The following SPACA1 variants were observed in gnomAD, a reference collection of about 807,000 sequenced individuals.
The protein encoded by SPACA1 is sperm acrosome associated 1.
In SPACA1, 17 loss-of-function variants were observed where a neutral mutation model predicts 32.6. That is an observed-to-expected ratio of 0.52 (90% CI 0.36 to 0.78). The LOEUF is 0.78. SPACA1 is among the 30% of genes least tolerant of loss of function. The pLI is 0.01. For missense variants in SPACA1, 363 were observed against 373.4 expected (o/e 0.97, Z 0.23); for synonymous variants, 140 against 138.1 (o/e 1.01, Z -0.10).
intron 2 of SPACA1, 47 bp from the exon 3 acceptor site, chr6:88,057,565 A>C: frequency 7.6e-7 from 1 of 1,315,074 alleles, no homozygotes; most frequent in Non-Finnish European, 1.1e-6. Context: ...GACACTCTGG[A>C]ATCAGTTTTT....
chr6:88,058,794 A>G lies in SPACA1; in HGVS notation c.446A>G (p.Tyr149Cys). ...ACATCTCCCTTAAATCGTTTCAAAT[A>G]TATGTGGAAACTTCTAAGACAAGAC... ...IHTSPLNRFK[Y>C]MWKLLRQDQQ... The change falls in exon 4 of 7, where the codon TAT (tyrosine) becomes TGT (cysteine). Residue 149 changes from tyrosine to cysteine, a missense_variant. By Grantham distance (194) the Tyr-to-Cys change is radical. Transcript: ENST00000237201. 1 of 1,612,832 alleles carries G rather than the reference A, an allele frequency of 6.2e-7. No homozygotes were observed. Among genetic ancestry groups the G allele is most frequent in the Non-Finnish European group, 8.5e-7 (1 of 1,178,980 alleles).
intron 1 of SPACA1, among the ~76,000 whole-genome samples, chr6:88,052,552 TG>T (rs1775743847): frequency 6.6e-6 from 1 of 152,164 alleles, no homozygotes; most frequent in Admixed American, 6.5e-5. Flanking sequence ...GATACTATAC[TG>T]GGGCTGGGCA....
At chr6:88,056,484 A>G (rs151169714) in intron 2 of SPACA1, among the ~76,000 whole-genome samples, 27 of 152,240 alleles carry the variant, frequency 1.8e-4, no homozygotes, top group African/African-American at 6.0e-4. Context: ...CTCCCTTACT[A>G]TTCAACGTGC....
chr6:88,049,226 C>T (rs1219904312), intron 1 of SPACA1, among the ~76,000 whole-genome samples: 1 of 152,176 alleles, frequency 6.6e-6, no homozygotes, highest in Non-Finnish European at 1.5e-5. Flanking sequence ...TCATTCTCTT[C>T]TTTAAAGTAA....
Position 88,048,113 on chromosome 6 carries a change from G to T in SPACA1, c.208G>T (p.Val70Phe). 6.3e-7 allele frequency: 1 copy of T among 1,584,756 alleles called. No homozygotes were observed. Among genetic ancestry groups the T allele is most frequent in the South Asian group, 1.2e-5 (1 of 86,312 alleles). The change falls in exon 1 of 7, where the codon GTT becomes TTT. Residue 70 changes from valine (V) to phenylalanine (F), a missense_variant and splice_region_variant. Physicochemically the swap from Val to Phe is conservative, Grantham distance 50. Coordinates refer to ENST00000237201, the MANE Select transcript of SPACA1 (RefSeq NM_030960.3). ...CTACGCTCCGCCTGAAACCGAGGATGGTGAGGGCGGGAGCTCCCTTGCGGG... is the reference window on the plus strand; with the variant it reads ...CTACGCTCCGCCTGAAACCGAGGATTGTGAGGGCGGGAGCTCCCTTGCGGG... ...ENYAPPETED[V>F]SNRNVVKEVE...
chr6:88,052,367 G>T (rs1582268044), intron 1 of SPACA1, among the ~76,000 whole-genome samples: 1 of 152,144 alleles, frequency 6.6e-6, no homozygotes, highest in Admixed American at 6.5e-5. Flanking sequence ...TGTTTTCTAT[G>T]TTCAGGATTT....
chr6:88,065,366 AT>A (rs1479681557), intron 6 of SPACA1, among the ~76,000 whole-genome samples: 1 of 147,988 alleles, frequency 6.8e-6, no homozygotes, highest in Non-Finnish European at 1.5e-5. Context: ...TATATACAGT[AT>A]ATATTATATA....
intron 5 of SPACA1, 25 bp from the exon 6 acceptor site, chr6:88,064,074 C>G: frequency 6.2e-7 from 1 of 1,609,066 alleles, no homozygotes; most frequent in South Asian, 1.1e-5. Flanking sequence ...TAGTAATACT[C>G]CTTAGGTTTG....
Position 88,047,930 on chromosome 6 carries a change from T to C in SPACA1, c.25T>C (p.Ser9Pro). 1 of 1,562,220 alleles carries C rather than the reference T, an allele frequency of 6.4e-7. No homozygotes were observed. Among genetic ancestry groups the C allele is most frequent in the Non-Finnish European group, 8.7e-7 (1 of 1,154,244 alleles). The stretch of plus-strand genomic sequence containing the variant: ...CATGAGCCCCAGGGGCACGGGCTGC[T>C]CCGCCGGGCTGCTGATGACTGTCGG... MSPRGTGC[S>P]AGLLMTVGWL... Residue 9 changes from serine (S) to proline (P), a missense_variant, in exon 1 of 7, where the codon TCC becomes CCC. Ser to Pro is a moderately conservative substitution (Grantham distance 74). Coordinates refer to ENST00000237201, the MANE Select transcript of SPACA1 (RefSeq NM_030960.3).
chr6:88,064,315 C>T (rs1775945088), intron 6 of SPACA1, 96 bp downstream of exon 6: 1 of 1,283,826 alleles, frequency 7.8e-7, no homozygotes, highest in South Asian at 1.6e-5. Context: ...CGTGATGTCT[C>T]CTACATGTTG....
rs1406692347 is a variant in SPACA1 at position 88,057,604 on chromosome 6, A to T, written c.266-8A>T. The T allele has an allele frequency of 3.7e-6, 6 of 1,602,716 alleles. No individual in the cohort carries two copies. Among genetic ancestry groups the T allele is most frequent in the Non-Finnish European group, 5.1e-6 (6 of 1,169,752 alleles). On this transcript the variant is annotated splice_region_variant and splice_polypyrimidine_tract_variant and intron_variant, in intron 2 of 6. Transcript: ENST00000237201. ...TTAACATTTGCCTTTTTAAATTTTA[A>T]ACCAAAGGTATTGGTGTTAGAGAAG...
chr6:88,056,915 A>C (rs1775818573), intron 2 of SPACA1, among the ~76,000 whole-genome samples: 1 of 152,182 alleles, frequency 6.6e-6, no homozygotes, highest in Admixed American at 6.5e-5. Flanking sequence ...TTGGAAATGG[A>C]GATTTGGTCA....
In SPACA1 at chr6:88,049,139, C is replaced by T. The variant is rs142133501; in HGVS notation, c.208+1026C>T. On this transcript the variant is annotated intron_variant, in intron 1 of 6. Transcript: ENST00000237201. ...TATACTACAGAGAGCTTAAAAAGAT[C>T]CTTGACTTCGGAAATGTGAAAAAGA... 3.9e-4 allele frequency among the ~76,000 whole-genome samples: 60 copies of T among 152,194 alleles called. 1 individual carries two copies. In the East Asian group the frequency reaches 0.012, roughly 29 times the overall value.
chr6:88,061,817 A>G (rs928690162), intron 5 of SPACA1, among the ~76,000 whole-genome samples: 1 of 152,208 alleles, frequency 6.6e-6, no homozygotes, highest in African/African-American at 2.4e-5. Flanking sequence ...GAGAGCATCA[A>G]ATTTAGCCTA....
intron 1 of SPACA1, among the ~76,000 whole-genome samples, chr6:88,048,337 A>G (rs575604911): frequency 2.5e-4 from 38 of 152,328 alleles, no homozygotes; most frequent in Admixed American, 5.9e-4. Context: ...GTATATAGAA[A>G]TTGCTATAGA....
chr6:88,049,928 A>T (rs1775704024), intron 1 of SPACA1, among the ~76,000 whole-genome samples: 1 of 152,202 alleles, frequency 6.6e-6, no homozygotes, highest in African/African-American at 2.4e-5. Flanking sequence ...TTGTCAAAAA[A>T]ACCAACACTT....
rs769128092 is a variant in SPACA1, at chr6:88,053,980, C to G, written c.243C>G (p.Phe81Leu). The stretch of plus-strand genomic sequence containing the variant: ...GGAATGTCGTCAAAGAAGTAGAATT[C>G]GGAATGTGCACCGTTACATGTGGTA... ...SNRNVVKEVE[F>L]GMCTVTCGIG... The change falls in exon 2 of 7, where the codon TTC becomes TTG. Residue 81 changes from phenylalanine (F) to leucine (L), a missense_variant. Coordinates refer to ENST00000237201, the MANE Select transcript of SPACA1 (RefSeq NM_030960.3). 2.5e-6 allele frequency: 4 copies of G among 1,613,312 alleles called. No individual in the cohort carries two copies. The highest frequency in any genetic ancestry group is 3.4e-6 in the Non-Finnish European group (4 of 1,179,558).
Position 88,057,611 on chromosome 6 carries a change from G to A in SPACA1, c.266-1G>A, listed in dbSNP as rs969590084. 2 of 1,606,272 alleles carry A rather than the reference G, an allele frequency of 1.2e-6. No homozygotes were observed. The highest frequency in any genetic ancestry group is 1.7e-6 in the Non-Finnish European group (2 of 1,173,050). ...TTGCCTTTTTAAATTTTAAACCAAA[G>A]GTATTGGTGTTAGAGAAGTTATATT... is the stretch of plus-strand genomic sequence containing the variant. On this transcript the variant is annotated splice_acceptor_variant, in intron 2 of 6. Transcript: ENST00000237201. LOFTEE classifies it high-confidence loss of function.
At chr6:88,063,985 A>C in intron 5 of SPACA1, 114 bp from the exon 6 acceptor site, 2 of 1,192,818 alleles carry the variant, frequency 1.7e-6, no homozygotes, top group Non-Finnish European at 2.3e-6. Flanking sequence ...TTTTCTCTGC[A>C]CTAAGCATTT....
Sources: gnomAD v4.1 joint callset for allele counts (sites outside exome capture counted in the v4.1 genomes callset) on GRCh38, gnomAD v4.1.1 for gene constraint, MANE v1.5 for transcripts, NCBI Gene and HGNC (gene_info 2026-07-23, HGNC 2026-07-21) for gene names.